The following KDM4C variants were observed in gnomAD, a reference collection of about 807,000 sequenced individuals.
The protein encoded by KDM4C is lysine-specific demethylase 4C.
Under a neutral mutation model 129.3 loss-of-function variants are expected in KDM4C, and 81 were observed. The ratio of observed to expected loss-of-function variants is 0.63; its 90% confidence interval spans 0.52 to 0.75. The LOEUF (loss-of-function observed/expected upper bound fraction) is 0.75, where lower values mean the gene tolerates loss of function less well. Ranked by LOEUF, KDM4C falls within the 30% of genes least tolerant of loss-of-function variation. KDM4C has a pLI of 0.00. For missense variants in KDM4C, 1,457 were observed against 1,304.0 expected (o/e 1.12, Z -1.81); for synonymous variants, 573 against 456.1 (o/e 1.26, Z -3.26).
chr9:6,741,853 C>T (rs1207000919), intron 1 of KDM4C, among the ~76,000 whole-genome samples: 4 of 151,524 alleles, frequency 2.6e-5, no homozygotes, highest in Admixed American at 1.3e-4. Context: ...TCCACGTGAG[C>T]CATCATGCCT....
intron 8 of KDM4C, among the ~76,000 whole-genome samples, chr9:6,972,475 G>C (rs941088026): frequency 6.6e-5 from 10 of 151,904 alleles, no homozygotes; most frequent in Non-Finnish European, 1.3e-4. Context: ...CAGATGAGCT[G>C]TGCGTTGTTA....
At chr9:6,730,145 C>G (rs1361359629) in intron 1 of KDM4C, among the ~76,000 whole-genome samples, 1 of 151,732 alleles carries the variant, frequency 6.6e-6, no homozygotes, top group East Asian at 1.9e-4. Context: ...GTCAGTTGCA[C>G]CTGGAATATG....
upstream of KDM4C, among the ~76,000 whole-genome samples, chr9:6,754,880 T>TAA (rs58382779): frequency 9.8e-3 from 816 of 83,296 alleles, 15 homozygotes; most frequent in African/African-American, 0.032. Context: ...TGTCTCAAAG[T>TAA]AAAAAAAAAA....
At chr9:7,050,170 AT>A (rs1406277204) in intron 17 of KDM4C, among the ~76,000 whole-genome samples, 1 of 152,012 alleles carries the variant, frequency 6.6e-6, no homozygotes, top group Non-Finnish European at 1.5e-5. Context: ...GAACACTGTT[AT>A]TTGCCATCAT....
At chr9:6,786,179 T>C (rs1825450888) in intron 1 of KDM4C, among the ~76,000 whole-genome samples, 1 of 152,134 alleles carries the variant, frequency 6.6e-6, no homozygotes, top group Non-Finnish European at 1.5e-5. Flanking sequence ...GAAGGCAATG[T>C]TGGATAGAGT....
intron 15 of KDM4C, 62 bp downstream of exon 15, chr9:7,015,991 T>C: frequency 8.3e-7 from 1 of 1,198,150 alleles, no homozygotes; most frequent in East Asian, 2.4e-5. Context: ...GTGGACACAT[T>C]TAAGTCTAGG....
intron 17 of KDM4C, among the ~76,000 whole-genome samples, chr9:7,052,899 G>GAGAGAGAGAC (rs1564049753): frequency 1.0e-3 from 10 of 9,976 alleles, no homozygotes; most frequent in African/African-American, 4.2e-3. Flanking sequence ...GAGAGAGAGA[G>GAGAGAGAGAC]AGCGAGCGAG....
intron 15 of KDM4C, among the ~76,000 whole-genome samples, chr9:7,020,852 A>G (rs1218595128): frequency 6.6e-6 from 1 of 151,874 alleles, no homozygotes; most frequent in African/African-American, 2.4e-5. Flanking sequence ...AAAATGTACA[A>G]TTAAATTATT....
At chr9:6,967,668 C>G (rs370336107) in intron 8 of KDM4C, among the ~76,000 whole-genome samples, 7 of 152,142 alleles carry the variant, frequency 4.6e-5, no homozygotes, top group East Asian at 1.9e-4. Flanking sequence ...CTGTTGCAAT[C>G]TCTTTTTACT....
intron 8 of KDM4C, among the ~76,000 whole-genome samples, chr9:6,947,082 A>G (rs1827102335): frequency 6.6e-6 from 1 of 152,124 alleles, no homozygotes; most frequent in Non-Finnish European, 1.5e-5. Flanking sequence ...TAAATTAACA[A>G]AAACAAATAT....
chr9:6,918,099 G>A (rs1177116842), intron 8 of KDM4C, among the ~76,000 whole-genome samples: 1 of 152,080 alleles, frequency 6.6e-6, no homozygotes, highest in Non-Finnish European at 1.5e-5. Context: ...TGAGGTTTGG[G>A]GTACAATTGA....
intron 1 of KDM4C, among the ~76,000 whole-genome samples, chr9:6,747,184 C>G (rs374139003): frequency 1.0e-4 from 15 of 148,582 alleles, no homozygotes; most frequent in East Asian, 8.0e-4. Context: ...TAGAGCAAGA[C>G]TCTGTCTCCA....
At chr9:7,005,159 G>A (rs894694045) in intron 12 of KDM4C, among the ~76,000 whole-genome samples, 1 of 152,084 alleles carries the variant, frequency 6.6e-6, no homozygotes, top group African/African-American at 2.4e-5. Flanking sequence ...GAGTAGGCTG[G>A]GTGCAGTGGC....
intron 8 of KDM4C, among the ~76,000 whole-genome samples, chr9:6,956,533 C>G (rs1015108924): frequency 6.6e-6 from 1 of 152,176 alleles, no homozygotes; most frequent in African/African-American, 2.4e-5. Context: ...GGTTGGCACA[C>G]TATACCCCCC....
chr9:6,844,370 G>T (rs954162310), intron 4 of KDM4C, among the ~76,000 whole-genome samples: 1 of 151,976 alleles, frequency 6.6e-6, no homozygotes, highest in African/African-American at 2.4e-5. Context: ...ACACACCCCG[G>T]GTTCTGAAGT....
intron 3 of KDM4C, among the ~76,000 whole-genome samples, chr9:6,814,073 C>T (rs1831642355): frequency 6.6e-6 from 1 of 152,000 alleles, no homozygotes. Flanking sequence ...TTTTAAAAAG[C>T]TTTTTATATG....
chr9:7,089,869 T>C lies in KDM4C; in HGVS notation c.2425-13816T>C, dbSNP rs145472120. 3.0e-3 allele frequency among the ~76,000 whole-genome samples: 454 copies of C among 152,368 alleles called. 3 individuals carry two copies. Among genetic ancestry groups the C allele is most frequent in the African/African-American group, 0.01 (433 of 41,596 alleles). ...GGTGGGTGCTGCTTTGCTAGAGTCA[T>C]GAGAGGTCAGAGTTCTCATGAGGGA... On this transcript the variant is annotated intron_variant, in intron 17 of 21. Transcript: ENST00000381309.
At chr9:7,040,349 C>G (rs1046851093) in intron 15 of KDM4C, among the ~76,000 whole-genome samples, 2 of 132,594 alleles carry the variant, frequency 1.5e-5, no homozygotes, top group Non-Finnish European at 3.2e-5. Flanking sequence ...CTTCCTCTTT[C>G]CCTCTCTCTC....
intron 21 of KDM4C, chr9:7,170,288 G>A (rs932646855): frequency 9.4e-7 from 1 of 1,067,910 alleles, no homozygotes; most frequent in Non-Finnish European, 1.1e-6. Context: ...ATAATTGAAT[G>A]TCTGTCTATT....
Sources: allele counts gnomAD v4.1 joint callset (sites outside exome capture counted in the v4.1 genomes callset), GRCh38; gene constraint gnomAD v4.1.1; transcripts MANE v1.5; gene names NCBI Gene and HGNC (gene_info 2026-07-23, HGNC 2026-07-21).